TSEN2: variants seen among roughly 807,000 people sequenced by gnomAD.
TSEN2 encodes tRNA-splicing endonuclease subunit Sen2.
Under a neutral mutation model 59.2 loss-of-function variants are expected in TSEN2, and 54 were observed. That is an observed-to-expected ratio of 0.91 (90% CI 0.73 to 1.14). TSEN2 has a LOEUF of 1.14. TSEN2 is among the 50% of genes most tolerant of loss of function. TSEN2 has a pLI of 0.00. For missense variants in TSEN2, 636 were observed against 576.2 expected (o/e 1.10, Z -1.06); for synonymous variants, 195 against 198.2 (o/e 0.98, Z 0.14).
intron 4 of TSEN2, among the ~76,000 whole-genome samples, chr3:12,498,984 T>G (rs918389163): frequency 2.6e-5 from 4 of 152,180 alleles, no homozygotes; most frequent in Non-Finnish European, 4.4e-5. Flanking sequence ...GGTCTTGGGC[T>G]CCTGGGCTCA....
intron 3 of TSEN2, 82 bp from the exon 4 acceptor site, chr3:12,496,436 A>G: frequency 6.9e-7 from 1 of 1,455,240 alleles, no homozygotes; most frequent in Non-Finnish European, 9.6e-7. Context: ...GAATCTTAAA[A>G]TTCTCAGTCT....
At chr3:12,496,443 G>A in intron 3 of TSEN2, 75 bp from the exon 4 acceptor site, 1 of 1,489,170 alleles carries the variant, frequency 6.7e-7, no homozygotes, top group South Asian at 1.1e-5. Flanking sequence ...AAAATTCTCA[G>A]TCTTTCCTAG....
intron 8 of TSEN2, among the ~76,000 whole-genome samples, chr3:12,520,276 G>A (rs2056528229): frequency 6.6e-6 from 1 of 152,148 alleles, no homozygotes; most frequent in African/African-American, 2.4e-5. Flanking sequence ...GGGATTATAG[G>A]TGTGAGCCAC....
rs117344770 is a variant in TSEN2 at position 12,510,587 on chromosome 3, A to G, written c.909+5356A>G. The stretch of plus-strand genomic sequence containing the variant: ...GCCTGACAGCAGCAGTCTCAGTCAG[A>G]TCTCGTTTACGCATCGTCTTGTGCC... On this transcript the variant is annotated intron_variant, in intron 6 of 11. Transcript: ENST00000284995. Among the ~76,000 whole-genome samples the G allele has an allele frequency of 2.5e-3, 385 of 152,232 alleles. 15 individuals carry two copies. In the East Asian group the frequency reaches 0.067, roughly 27 times the overall value.
At chr3:12,505,091 A>G in intron 5 of TSEN2, 63 bp from the exon 6 acceptor site, 1 of 940,758 alleles carries the variant, frequency 1.1e-6, no homozygotes, top group East Asian at 2.4e-5. Flanking sequence ...ATTTTAAAAT[A>G]CATTCTCTAT....
chr3:12,498,199 C>T (rs191571957), intron 4 of TSEN2, among the ~76,000 whole-genome samples: 49 of 152,144 alleles, frequency 3.2e-4, no homozygotes, highest in African/African-American at 1.1e-3. Context: ...TTGATTCCAT[C>T]TGCAAAGACC....
intron 1 of TSEN2, 47 bp from the exon 2 acceptor site, chr3:12,489,736 TA>T: frequency 6.6e-7 from 1 of 1,522,862 alleles, no homozygotes. Context: ...TGGATCAAGG[TA>T]GTTATTGATT....
chr3:12,524,878 G>A (rs1209088920), intron 8 of TSEN2, among the ~76,000 whole-genome samples: 1 of 151,836 alleles, frequency 6.6e-6, no homozygotes, highest in Non-Finnish European at 1.5e-5. Flanking sequence ...AAGTAGCTGG[G>A]ATTACAGATG....
In TSEN2 at chr3:12,532,695, G is replaced by A; in HGVS notation, c.1372G>A (p.Glu458Lys). Residue 458 changes from glutamate to lysine, a missense_variant, in exon 12 of 12, where the codon GAG becomes AAG. Coordinates refer to ENST00000284995, the MANE Select transcript of TSEN2 (RefSeq NM_025265.4). The stretch of plus-strand genomic sequence containing the variant: ...TCTGAGTCGATGGGTTTCTTCACGA[G>A]AGAGGAGTGACCAAGACGATCTTTA... ...VILSRWVSSR[E>K]RSDQDDL 1 of 1,614,106 alleles carries A rather than the reference G, an allele frequency of 6.2e-7. No individual in the cohort carries two copies. Among genetic ancestry groups the A allele is most frequent in the Non-Finnish European group, 8.5e-7 (1 of 1,180,026 alleles).
At position 12,532,922 on chromosome 3, in the gene TSEN2, C is replaced by T. The variant is rs1038534451; in HGVS notation, c.*201C>T. 14 of 617,998 alleles carry T rather than the reference C, an allele frequency of 2.3e-5. No homozygotes were observed. The highest frequency in any genetic ancestry group is 3.1e-5 in the Non-Finnish European group (11 of 352,826). 38.3% of individuals were successfully genotyped at this position (617,998 alleles called of 1,614,324 possible). On this transcript the variant is annotated 3_prime_UTR_variant, in exon 12 of 12. Transcript: ENST00000284995. Reference sequence around the variant, plus strand: ...CTGTGCTAGGACTGCAGATTCTATACTTGCGTTGGCCTCTAACTCTCCAAT... The same window carrying T: ...CTGTGCTAGGACTGCAGATTCTATATTTGCGTTGGCCTCTAACTCTCCAAT...
In TSEN2 at chr3:12,489,944, T is replaced by A; in HGVS notation, c.144T>A (p.Asn48Lys). 1 of 1,614,156 alleles carries A rather than the reference T, an allele frequency of 6.2e-7. No individual in the cohort carries two copies. The highest frequency in any genetic ancestry group is 8.5e-7 in the Non-Finnish European group (1 of 1,180,022). The change falls in exon 2 of 12, where the codon AAT (asparagine) becomes AAA (lysine). Residue 48 changes from asparagine (N) to lysine (K), a missense_variant. Asn to Lys is a moderately conservative substitution (Grantham distance 94). Transcript: ENST00000284995. ...KIFRAEMINN[N>K]VIVRNAEDIE... ...TCCGTGCTGAAATGATTAACAACAA[T>A]GTGATTGTGAGGAATGCGGAGGACA...
chr3:12,506,428 C>G (rs1031959307), intron 6 of TSEN2, among the ~76,000 whole-genome samples: 5 of 152,024 alleles, frequency 3.3e-5, no homozygotes, highest in African/African-American at 9.7e-5. Flanking sequence ...AACCCCATCT[C>G]TACAAAAAAT....
chr3:12,528,804 A>G lies in TSEN2; in HGVS notation c.1100-84A>G. 2.0e-6 allele frequency: 3 copies of G among 1,468,938 alleles called. No homozygotes were observed. In the South Asian group the frequency reaches 3.5e-5, roughly 17 times the overall value. The allele number at this position is 1,468,938 out of a possible 1,614,324, so 91.0% of individuals were successfully genotyped here. A position where few individuals can be genotyped will look rare whatever the true frequency, so the allele number is the denominator to read the frequency against. ...TGCTTCCTTTTGGAGAAGAAAAGTT[A>G]ATAAAGCAAGCTTTTTGTTGAGTCT... On this transcript the variant is annotated intron_variant, in intron 8 of 11. Transcript: ENST00000284995.
rs923066884 is a variant in TSEN2, at chr3:12,533,438, A to C, written c.*717A>C. ...GGGAGGCCTTGGGAGGCCAAGGCGC[A>C]TGGATCGCTTGAGCCCAGGAGTTGG... On this transcript the variant is annotated 3_prime_UTR_variant, in exon 12 of 12. Coordinates refer to ENST00000284995, the MANE Select transcript of TSEN2 (RefSeq NM_025265.4). 1 of 152,828 alleles carries C rather than the reference A, an allele frequency of 6.5e-6. No homozygotes were observed. Among genetic ancestry groups the C allele is most frequent in the South Asian group, 2.1e-4 (1 of 4,828 alleles). The allele number at this position is 152,828 out of a possible 1,614,324, so 9.5% of individuals were successfully genotyped here. A position where few individuals can be genotyped will look rare whatever the true frequency, so the allele number is the denominator to read the frequency against.
rs1417065622 is a variant in TSEN2, at chr3:12,531,753, G to T, written c.1338+94G>T. On this transcript the variant is annotated intron_variant, in intron 11 of 11. Transcript: ENST00000284995. Reference sequence around the variant, plus strand: ...GGTCCCAAGAAAATACATGAATACAGTTTTGCCTTGGTAACAGAGCCTTCT... The same window carrying T: ...GGTCCCAAGAAAATACATGAATACATTTTTGCCTTGGTAACAGAGCCTTCT... The T allele has an allele frequency of 9.0e-6, 8 of 891,372 alleles. No homozygotes were observed. The African/African-American group carries it at 1.2e-4, about 13-fold the overall frequency. The allele number at this position is 891,372 out of a possible 1,614,324, so 55.2% of individuals were successfully genotyped here.
downstream of TSEN2, among the ~76,000 whole-genome samples, chr3:12,537,354 G>T (rs1030545019): frequency 6.6e-6 from 1 of 151,704 alleles, no homozygotes. Flanking sequence ...AGCCGTGATT[G>T]TGCCTCCGGA....
downstream of TSEN2, among the ~76,000 whole-genome samples, chr3:12,537,903 G>T (rs1051961030): frequency 6.6e-6 from 1 of 152,154 alleles, no homozygotes; most frequent in Non-Finnish European, 1.5e-5. Context: ...AATGAGTAAA[G>T]AATTAGACTA....
downstream of TSEN2, among the ~76,000 whole-genome samples, chr3:12,537,004 CAAA>C (rs11285937): frequency 2.9e-5 from 4 of 138,322 alleles, no homozygotes; most frequent in Non-Finnish European, 3.2e-5. Context: ...AACTCCGTCT[CAAA>C]AAAAAAAAAA....
intron 8 of TSEN2, among the ~76,000 whole-genome samples, chr3:12,525,615 G>C (rs747466735): frequency 6.6e-6 from 1 of 152,140 alleles, no homozygotes; most frequent in Non-Finnish European, 1.5e-5. Flanking sequence ...GGAGTGCAGT[G>C]GCACAATCTC....
Sources: gnomAD v4.1 joint callset for allele counts (sites outside exome capture counted in the v4.1 genomes callset) on GRCh38, gnomAD v4.1.1 for gene constraint, MANE v1.5 for transcripts, NCBI Gene and HGNC (gene_info 2026-07-23, HGNC 2026-07-21) for gene names.